Variants in RPS6KC1 observed in about 807,000 individuals in gnomAD.
The protein encoded by RPS6KC1 is ribosomal protein S6 kinase C1.
Under a neutral mutation model 103.8 loss-of-function variants are expected in RPS6KC1, and 54 were observed. The observed-to-expected ratio is 0.52, with a 90% confidence interval of 0.42 to 0.65. The LOEUF is 0.65. RPS6KC1 is among the 30% of genes least tolerant of loss of function. The probability of loss-of-function intolerance (pLI) is 0.00; values close to 1 mark genes in which losing one functional copy is unlikely to be tolerated. For missense variants in RPS6KC1, 1,151 were observed against 1,253.8 expected, an observed-to-expected ratio of 0.92 and a Z score of 1.24; for synonymous variants, 439 against 438.7, an observed-to-expected ratio of 1.00 and a Z score of -0.01.
chr1:213,483,429 TC>T, the RPS6KC1 span, among the ~76,000 whole-genome samples: 4 of 152,046 alleles, frequency 2.6e-5, no homozygotes, highest in Non-Finnish European at 5.9e-5. Context: ...TTAATGGACA[TC>T]CCCCCCAAAG....
At chr1:213,252,968 A>G (rs1244182884) in intron 12 of RPS6KC1, among the ~76,000 whole-genome samples, 1 of 152,196 alleles carries the variant, frequency 6.6e-6, no homozygotes, top group Non-Finnish European at 1.5e-5. Context: ...ATTTTCTATG[A>G]CTTCTTAATA....
At chr1:213,614,912 G>T in the RPS6KC1 span, among the ~76,000 whole-genome samples, 1 of 152,090 alleles carries the variant, frequency 6.6e-6, no homozygotes, top group Admixed American at 6.5e-5. Context: ...GTCTTATGAT[G>T]TTGCCTGGGC....
At chr1:213,457,488 G>A in the RPS6KC1 span, among the ~76,000 whole-genome samples, 6 of 83,660 alleles carry the variant, frequency 7.2e-5, no homozygotes, top group Non-Finnish European at 1.8e-4. Context: ...ACTGAGCAGG[G>A]ACACTGCCTT....
At chr1:213,575,582 G>GT in the RPS6KC1 span, among the ~76,000 whole-genome samples, 1 of 152,198 alleles carries the variant, frequency 6.6e-6, no homozygotes, top group Non-Finnish European at 1.5e-5. Context: ...AGAAGGATGT[G>GT]TTTGCTTCCC....
chr1:213,053,956 C>T (rs2077141837), intron 1 of RPS6KC1, among the ~76,000 whole-genome samples: 1 of 152,004 alleles, frequency 6.6e-6, no homozygotes, highest in Non-Finnish European at 1.5e-5. Context: ...CTGTCTCAGC[C>T]ACTCAAGTAG....
chr1:213,843,962 C>G, the RPS6KC1 span, among the ~76,000 whole-genome samples: 3 of 150,812 alleles, frequency 2.0e-5, no homozygotes, highest in South Asian at 6.3e-4. Context: ...AAACTAATGG[C>G]TGTTGTTGAG....
chr1:213,171,874 CA>C (rs1281879693), intron 7 of RPS6KC1, among the ~76,000 whole-genome samples: 1 of 152,088 alleles, frequency 6.6e-6, no homozygotes, highest in African/African-American at 2.4e-5. Flanking sequence ...TTTGCAAAGC[CA>C]AAAATTCATG....
chr1:213,643,371 T>C, the RPS6KC1 span, among the ~76,000 whole-genome samples: 1 of 151,916 alleles, frequency 6.6e-6, no homozygotes, highest in Non-Finnish European at 1.5e-5. Flanking sequence ...CCTTATAAGG[T>C]ATCTACCTAG....
At chr1:213,192,852 C>G (rs1404730296) in intron 8 of RPS6KC1, among the ~76,000 whole-genome samples, 1 of 152,138 alleles carries the variant, frequency 6.6e-6, no homozygotes, top group Non-Finnish European at 1.5e-5. Flanking sequence ...GCCCTCAGTA[C>G]TGCATTTGCT....
the RPS6KC1 span, among the ~76,000 whole-genome samples, chr1:213,677,548 C>A: frequency 6.6e-6 from 1 of 152,172 alleles, no homozygotes; most frequent in African/African-American, 2.4e-5. Context: ...TTTAGGAACT[C>A]CCCATGTGGC....
chr1:213,338,981 G>C, the RPS6KC1 span, among the ~76,000 whole-genome samples: 3 of 152,092 alleles, frequency 2.0e-5, no homozygotes, highest in Admixed American at 1.3e-4. Flanking sequence ...TGACAGACCA[G>C]GGCCAGGCAC....
chr1:213,055,311 CAT>C (rs2077245785), intron 1 of RPS6KC1, among the ~76,000 whole-genome samples: 1 of 151,940 alleles, frequency 6.6e-6, no homozygotes, highest in African/African-American at 2.4e-5. Context: ...TACAAGGAAT[CAT>C]ATAGTATGCA....
chr1:213,215,254 G>C (rs923369324), intron 8 of RPS6KC1, among the ~76,000 whole-genome samples: 1 of 152,132 alleles, frequency 6.6e-6, no homozygotes, highest in Non-Finnish European at 1.5e-5. Flanking sequence ...TAGCCGATGC[G>C]ATCAACTGGA....
At chr1:213,363,698 CTTTCCTTCT>C in the RPS6KC1 span, among the ~76,000 whole-genome samples, 19 of 93,020 alleles carry the variant, frequency 2.0e-4, no homozygotes, top group East Asian at 6.8e-4. Flanking sequence ...TTCTTTCTTT[CTTTCCTTCT>C]TTCTTTCTTT....
chr1:213,476,300 A>G, the RPS6KC1 span, among the ~76,000 whole-genome samples: 1 of 152,144 alleles, frequency 6.6e-6, no homozygotes, highest in East Asian at 1.9e-4. Flanking sequence ...CCTAAATGAT[A>G]GTGGATGAGA....
chr1:213,860,319 G>T, the RPS6KC1 span, among the ~76,000 whole-genome samples: 1 of 151,610 alleles, frequency 6.6e-6, no homozygotes. Context: ...TTATTAAAGG[G>T]TAAGTTCACT....
chr1:213,455,035 A>T, the RPS6KC1 span, among the ~76,000 whole-genome samples: 1 of 152,230 alleles, frequency 6.6e-6, no homozygotes, highest in Non-Finnish European at 1.5e-5. Flanking sequence ...GACCTAGTTA[A>T]TCTGGTTCTG....
At chr1:213,326,784 G>A in the RPS6KC1 span, among the ~76,000 whole-genome samples, 2 of 151,236 alleles carry the variant, frequency 1.3e-5, no homozygotes, top group African/African-American at 2.4e-5. Context: ...GTGTAGATAC[G>A]CATTAGGCCA....
chr1:213,259,734 A>ATTTTTTTTT (rs71147063), intron 12 of RPS6KC1, among the ~76,000 whole-genome samples: 4 of 97,912 alleles, frequency 4.1e-5, no homozygotes, highest in African/African-American at 7.6e-5. Context: ...TGTTTTTTTA[A>ATTTTTTTTT]TTTTTTTTTT....
Sources: gnomAD v4.1 joint callset for allele counts (sites outside exome capture counted in the v4.1 genomes callset) on GRCh38, gnomAD v4.1.1 for gene constraint, MANE v1.5 for transcripts, NCBI Gene and HGNC (gene_info 2026-07-23, HGNC 2026-07-21) for gene names.